The following LRMDA variants were observed in gnomAD, a reference collection of about 807,000 sequenced individuals.
LRMDA encodes the protein leucine-rich melanocyte differentiation-associated protein.
Under a neutral mutation model 29.8 loss-of-function variants are expected in LRMDA, and 18 were observed. The observed-to-expected ratio is 0.60, with a 90% CI of 0.42 to 0.90. The LOEUF is 0.90. Ranked by LOEUF, LRMDA falls within the 40% of genes least tolerant of loss-of-function variation. The pLI is 0.00. For missense variants in LRMDA, 273 were observed against 273.9 expected (o/e 1.00, Z 0.02); for synonymous variants, 125 against 109.4 (o/e 1.14, Z -0.89).
At chr10:76,293,800 T>G (rs1840379352) in intron 5 of LRMDA, among the ~76,000 whole-genome samples, 1 of 152,220 alleles carries the variant, frequency 6.6e-6, no homozygotes, top group Non-Finnish European at 1.5e-5. Context: ...CACCATCTAT[T>G]CCTCCCATTT....
intron 2 of LRMDA, among the ~76,000 whole-genome samples, chr10:75,971,412 C>T (rs1846968469): frequency 6.6e-6 from 1 of 152,174 alleles, no homozygotes; most frequent in Non-Finnish European, 1.5e-5. Context: ...TGGGTTGTTT[C>T]AATGACAGTT....
intron 2 of LRMDA, among the ~76,000 whole-genome samples, chr10:75,966,510 T>C (rs1317050716): frequency 4.6e-5 from 7 of 152,204 alleles, no homozygotes; most frequent in African/African-American, 1.4e-4. Flanking sequence ...ACCCAGTACA[T>C]TGTTCATTCC....
intron 6 of LRMDA, among the ~76,000 whole-genome samples, chr10:76,479,255 G>A (rs1354003530): frequency 6.6e-6 from 1 of 151,766 alleles, no homozygotes; most frequent in Non-Finnish European, 1.5e-5. Context: ...GATAATGTTT[G>A]CACCAGCAAG....
At chr10:76,491,579 T>C (rs532972364) in intron 6 of LRMDA, among the ~76,000 whole-genome samples, 38 of 152,190 alleles carry the variant, frequency 2.5e-4, no homozygotes, top group African/African-American at 8.9e-4. Context: ...TGTTATTTTT[T>C]TCTCTTGCTA....
At chr10:75,595,999 CT>C (rs1321655143) in intron 2 of LRMDA, among the ~76,000 whole-genome samples, 1 of 152,008 alleles carries the variant, frequency 6.6e-6, no homozygotes, top group Non-Finnish European at 1.5e-5. Context: ...TGATGATCTG[CT>C]TTTTTTCGCT....
intron 2 of LRMDA, among the ~76,000 whole-genome samples, chr10:75,925,608 G>GATGGTGGCAGTGGTTGTGGTA (rs1846107640): frequency 6.7e-6 from 1 of 149,002 alleles, no homozygotes; most frequent in South Asian, 2.2e-4. Context: ...GGAAGAAGGT[G>GATGGTGGCAGTGGTTGTGGTA]ATGGTGGCAG....
intron 2 of LRMDA, among the ~76,000 whole-genome samples, chr10:75,983,224 G>A (rs1438174246): frequency 6.6e-6 from 1 of 152,214 alleles, no homozygotes; most frequent in Non-Finnish European, 1.5e-5. Context: ...TAGTTGTTCA[G>A]TAGGTCCCAT....
chr10:75,448,491 G>A (rs141309685), intron 2 of LRMDA, among the ~76,000 whole-genome samples: 2 of 152,152 alleles, frequency 1.3e-5, no homozygotes, highest in Admixed American at 1.3e-4. Context: ...GGAGACTGGA[G>A]AATTTAACCC....
chr10:76,008,951 A>G (rs1393106141), intron 2 of LRMDA, among the ~76,000 whole-genome samples: 1 of 152,234 alleles, frequency 6.6e-6, no homozygotes, highest in Non-Finnish European at 1.5e-5. Context: ...TGAAGAGCCT[A>G]TGGCATAGAT....
chr10:75,442,956 A>T (rs927534571), intron 2 of LRMDA, among the ~76,000 whole-genome samples: 1 of 152,080 alleles, frequency 6.6e-6, no homozygotes, highest in South Asian at 2.1e-4. Context: ...TTTTATTCCT[A>T]TAAAATATTT....
intron 6 of LRMDA, among the ~76,000 whole-genome samples, chr10:76,476,876 A>T (rs535490534): frequency 6.6e-6 from 1 of 152,264 alleles, no homozygotes; most frequent in African/African-American, 2.4e-5. Context: ...ACTCTCAATA[A>T]ATTAGTTATT....
At chr10:76,238,431 T>C (rs1467031224) in intron 5 of LRMDA, among the ~76,000 whole-genome samples, 1 of 152,140 alleles carries the variant, frequency 6.6e-6, no homozygotes, top group Non-Finnish European at 1.5e-5. Context: ...CTCATCTTTG[T>C]TCCCCAGACT....
At chr10:75,781,631 T>TCTTTTTG (rs1843385184) in intron 2 of LRMDA, among the ~76,000 whole-genome samples, 1 of 152,178 alleles carries the variant, frequency 6.6e-6, no homozygotes, top group Admixed American at 6.5e-5. Flanking sequence ...TAACTGTAAA[T>TCTTTTTG]CTTTTTGCTG....
intron 5 of LRMDA, among the ~76,000 whole-genome samples, chr10:76,231,056 G>T (rs1311683782): frequency 5.3e-5 from 8 of 151,990 alleles, no homozygotes; most frequent in Admixed American, 5.3e-4. Context: ...AAAGCAATCT[G>T]CAATTAACAT....
At chr10:76,482,369 G>A (rs1326428803) in intron 6 of LRMDA, among the ~76,000 whole-genome samples, 1 of 151,786 alleles carries the variant, frequency 6.6e-6, no homozygotes, top group Non-Finnish European at 1.5e-5. Flanking sequence ...GCCCATCAGG[G>A]GTACTTCTTA....
chr10:75,746,182 C>T (rs56084822), intron 2 of LRMDA, among the ~76,000 whole-genome samples: 7,543 of 152,204 alleles, frequency 0.05, 264 homozygotes, highest in Non-Finnish European at 0.078. Flanking sequence ...TAATGCCATG[C>T]CATGTTTTAT....
At chr10:75,472,142 C>G (rs1362531983) in intron 2 of LRMDA, among the ~76,000 whole-genome samples, 1 of 152,148 alleles carries the variant, frequency 6.6e-6, no homozygotes, top group Non-Finnish European at 1.5e-5. Flanking sequence ...CACTTCTGTC[C>G]AGCTTTTAAA....
At chr10:76,546,791 T>G (rs1325674575) in intron 6 of LRMDA, among the ~76,000 whole-genome samples, 2 of 151,966 alleles carry the variant, frequency 1.3e-5, no homozygotes, top group African/African-American at 2.4e-5. Context: ...TTGTTTGTTT[T>G]TTAATAATGA....
chr10:75,468,558 T>C (rs1284519810), intron 2 of LRMDA, among the ~76,000 whole-genome samples: 1 of 152,168 alleles, frequency 6.6e-6, no homozygotes, highest in Non-Finnish European at 1.5e-5. Context: ...TAGAGGTGGT[T>C]TGGAATTTTC....
Sources: gnomAD v4.1 joint callset for allele counts (sites outside exome capture counted in the v4.1 genomes callset) on GRCh38, gnomAD v4.1.1 for gene constraint, MANE v1.5 for transcripts, NCBI Gene and HGNC (gene_info 2026-07-23, HGNC 2026-07-21) for gene names.